Variants in CFAP43 observed in about 807,000 individuals in gnomAD.
CFAP43 encodes cilia- and flagella-associated protein 43.
CFAP43 carries 155 observed loss-of-function variants against 218.9 expected under a neutral mutation model. The ratio of observed to expected loss-of-function variants is 0.71; its 90% CI spans 0.62 to 0.81. CFAP43 has a LOEUF of 0.81. Among genes scored for constraint, CFAP43 ranks in the 30% least tolerant of loss-of-function variants. The probability of loss-of-function intolerance (pLI) is 0.00; values close to 1 mark genes in which losing one functional copy is unlikely to be tolerated. For synonymous variants in CFAP43, 645 were observed against 681.3 expected (o/e 0.95, Z 0.83); for missense variants, 1,778 against 1,954.3 (o/e 0.91, Z 1.70).
At chr10:104,160,591 A>T (rs1239338501) in intron 27 of CFAP43, among the ~76,000 whole-genome samples, 6 of 152,264 alleles carry the variant, frequency 3.9e-5, no homozygotes, top group Non-Finnish European at 5.9e-5. Flanking sequence ...CTTGAATTTG[A>T]GTTGTAAATA....
chr10:104,147,134 T>C (rs2088013800), intron 29 of CFAP43, among the ~76,000 whole-genome samples: 1 of 151,544 alleles, frequency 6.6e-6, no homozygotes, highest in Admixed American at 6.6e-5. Flanking sequence ...CAGCTGCTGC[T>C]CTATTACACA....
At chr10:104,132,628 A>C (rs895642027) in intron 35 of CFAP43, 16 of 985,254 alleles carry the variant, frequency 1.6e-5, no homozygotes, top group Non-Finnish European at 1.8e-5. Context: ...AAAAACAAAA[A>C]AAGATTGATT....
chr10:104,207,844 C>G lies in CFAP43; in HGVS notation c.736-20G>C. On this transcript the variant is annotated intron_variant, in intron 5 of 37. Coordinates refer to ENST00000357060, the MANE Select transcript of CFAP43 (RefSeq NM_025145.7). ...TTTCGGCTTCAGGGAGAGAATAAAACCTTGTGTTAAGAAAACAATCACGGC... is the reference window on the plus strand; with the variant it reads ...TTTCGGCTTCAGGGAGAGAATAAAAGCTTGTGTTAAGAAAACAATCACGGC... 1 of 1,592,628 alleles carries G rather than the reference C, an allele frequency of 6.3e-7. No homozygotes were observed.
intron 15 of CFAP43, among the ~76,000 whole-genome samples, chr10:104,185,493 C>T (rs935759489): frequency 2.0e-5 from 3 of 151,932 alleles, no homozygotes; most frequent in Non-Finnish European, 4.4e-5. Context: ...TGGTGAGTTC[C>T]GATGGCTTCA....
At chr10:104,214,961 C>A (rs2090973636) in intron 3 of CFAP43, among the ~76,000 whole-genome samples, 1 of 152,006 alleles carries the variant, frequency 6.6e-6, no homozygotes, top group Non-Finnish European at 1.5e-5. Context: ...TATGGTGAAA[C>A]CTGTCTCTAC....
At chr10:104,196,958 T>A (rs1373957543) in intron 9 of CFAP43, 25 bp from the exon 10 acceptor site, 1 of 1,583,174 alleles carries the variant, frequency 6.3e-7, no homozygotes, top group African/African-American at 1.4e-5. Flanking sequence ...AAACAAAAAC[T>A]CTACATGGAA....
chr10:104,191,796 G>A (rs1033167975), intron 12 of CFAP43, among the ~76,000 whole-genome samples: 4 of 147,574 alleles, frequency 2.7e-5, no homozygotes, highest in South Asian at 4.4e-4. Flanking sequence ...GTGTGGGGGG[G>A]GGGAAACACA....
chr10:104,225,129 TAGC>T (rs928023057), intron 3 of CFAP43, among the ~76,000 whole-genome samples: 3 of 152,186 alleles, frequency 2.0e-5, no homozygotes, highest in African/African-American at 7.2e-5. Context: ...ATTTCAATAT[TAGC>T]AGGAAACATA....
chr10:104,211,760 T>C (rs2090870218), intron 5 of CFAP43, among the ~76,000 whole-genome samples: 1 of 152,140 alleles, frequency 6.6e-6, no homozygotes, highest in Non-Finnish European at 1.5e-5. Context: ...CCAAATTGAG[T>C]ATGCCCAAAA....
In CFAP43 at chr10:104,130,081, C is replaced by T. The variant is rs1015062709; in HGVS notation, c.*58G>A. The T allele has an allele frequency of 5.3e-6, 8 of 1,500,604 alleles. No homozygotes were observed. Among genetic ancestry groups the T allele is most frequent in the Middle Eastern group, 2.1e-4 (1 of 4,810 alleles). 93.0% of individuals were successfully genotyped at this position (1,500,604 alleles called of 1,614,324 possible). ...AAGAAAGAAAAGGAAATCATTTTAC[C>T]CAAATGAAATGATTTTTTAAATGAT... On this transcript the variant is annotated 3_prime_UTR_variant, in exon 38 of 38. Transcript: ENST00000357060.
rs1436764901 is a variant in CFAP43 at position 104,232,340 on chromosome 10, A to T, written c.-94T>A. ...CGCCGCCGCGGGGCTGCGGGCCGCGACGCCGCTGCTGTGTACACCCGTATC... is the reference window on the plus strand; with the variant it reads ...CGCCGCCGCGGGGCTGCGGGCCGCGTCGCCGCTGCTGTGTACACCCGTATC... On this transcript the variant is annotated 5_prime_UTR_variant, in exon 1 of 38. Coordinates refer to ENST00000357060, the MANE Select transcript of CFAP43 (RefSeq NM_025145.7). 1.6e-6 allele frequency: 2 copies of T among 1,288,332 alleles called. No individual in the cohort carries two copies. The highest frequency in any genetic ancestry group is 1.5e-5 in the African/African-American group (1 of 65,416). The allele number at this position is 1,288,332 out of a possible 1,614,324, so 79.8% of individuals were successfully genotyped here. A position where few individuals can be genotyped will look rare whatever the true frequency, so the allele number is the denominator to read the frequency against.
chr10:104,226,913 G>A (rs1044733774), intron 2 of CFAP43, among the ~76,000 whole-genome samples: 1 of 152,090 alleles, frequency 6.6e-6, no homozygotes, highest in African/African-American at 2.4e-5. Flanking sequence ...AGCTACTTGG[G>A]AGGCTGAGGC....
At position 104,183,200 on chromosome 10, in the gene CFAP43, A is replaced by G. The variant is rs1328019565; in HGVS notation, c.2142-687T>C. Among the ~76,000 whole-genome samples the G allele has an allele frequency of 3.3e-5, 5 of 152,184 alleles. No homozygotes were observed. The South Asian group carries it at 8.3e-4, about 25-fold the overall frequency. On this transcript the variant is annotated intron_variant, in intron 16 of 37. Transcript: ENST00000357060. The stretch of plus-strand genomic sequence containing the variant: ...CATCAGCATCACTGGGAGGGTTTAA[A>G]AACAGATTCCTGGGCCCCACTTGCA...
chr10:104,187,800 G>A (rs772270496), intron 13 of CFAP43, among the ~76,000 whole-genome samples: 55 of 152,262 alleles, frequency 3.6e-4, no homozygotes, highest in Non-Finnish European at 6.6e-4. Flanking sequence ...AGTACTTGGA[G>A]GTTGTCGGCT....
chr10:104,214,400 C>T lies in CFAP43; in HGVS notation c.443G>A (p.Cys148Tyr), dbSNP rs1311839074. The T allele has an allele frequency of 8.8e-6, 14 of 1,596,136 alleles. No homozygotes were observed. The Admixed American group carries it at 2.1e-4, about 24-fold the overall frequency. Residue 148 changes from cysteine to tyrosine, a missense_variant, in exon 4 of 38, where the codon TGT becomes TAT. Physicochemically the swap from Cys to Tyr is radical, Grantham distance 194 (BLOSUM62 -2). Around this residue, in one of 3 missense-constraint regions of CFAP43, gnomAD observed 1,553 missense variants for 1,685.2 expected, o/e 0.92. Coordinates refer to ENST00000357060, the MANE Select transcript of CFAP43 (RefSeq NM_025145.7). ...ATCCATTCCAGGCTGTGATTTCTTA[C>T]ACAAAATGATACTCGATTCCCAGTT... ...LWNWESSIIL[C>Y]KKSQPGMDVN... is the part of the protein sequence containing the mutation.
chr10:104,217,052 T>C (rs2091030278), intron 3 of CFAP43, among the ~76,000 whole-genome samples: 1 of 152,210 alleles, frequency 6.6e-6, no homozygotes, highest in Non-Finnish European at 1.5e-5. Context: ...GACTTAATTA[T>C]TCCCAAATGT....
At position 104,230,630 on chromosome 10, in the gene CFAP43, T is replaced by A; in HGVS notation, c.279A>T (p.Val93=). 3 of 1,614,176 alleles carry A rather than the reference T, an allele frequency of 1.9e-6. No individual in the cohort carries two copies. In the South Asian group the frequency reaches 3.3e-5, roughly 18 times the overall value. The change falls in exon 2 of 38, where the codon GTA becomes GTT. Residue 93 remains valine (V), a synonymous_variant. Coordinates refer to ENST00000357060, the MANE Select transcript of CFAP43 (RefSeq NM_025145.7). ...SDRKLKPLIY[V]YSFPGLTRRT... ...TTCTGGTCAATCCTGGAAAGCTGTATACGTAGATGAGAGGTTTTAGCTTCC... is the reference window on the plus strand; with the variant it reads ...TTCTGGTCAATCCTGGAAAGCTGTAAACGTAGATGAGAGGTTTTAGCTTCC...
intron 20 of CFAP43, among the ~76,000 whole-genome samples, chr10:104,169,550 A>G (rs1433807424): frequency 6.6e-6 from 1 of 151,828 alleles, no homozygotes. Flanking sequence ...AGTTTTCTGA[A>G]AGGCCTGGTG....
intron 12 of CFAP43, among the ~76,000 whole-genome samples, chr10:104,190,031 G>A (rs909384071): frequency 7.9e-5 from 12 of 151,840 alleles, no homozygotes; most frequent in Non-Finnish European, 1.2e-4. Context: ...AGCCTGGCGC[G>A]GTGGCGGGCG....
Sources: gnomAD v4.1 joint callset for allele counts (sites outside exome capture counted in the v4.1 genomes callset) on GRCh38, gnomAD v4.1.1 for gene constraint, gnomAD v4.1.1 regional missense constraint, MANE v1.5 for transcripts, NCBI Gene and HGNC (gene_info 2026-07-23, HGNC 2026-07-21) for gene names.